Variants in GPHN observed in about 807,000 individuals in gnomAD.
GPHN encodes the protein gephyrin.
In GPHN, 17 loss-of-function variants were observed where a neutral mutation model predicts 95.5. That is an observed-to-expected ratio of 0.18 (90% CI 0.12 to 0.27). The LOEUF (loss-of-function observed/expected upper bound fraction) is 0.27, where lower values mean the gene tolerates loss of function less well. Among genes scored for constraint, GPHN ranks in the 10% least tolerant of loss-of-function variants. The probability of loss-of-function intolerance (pLI) is 1.00; values close to 1 mark genes in which losing one functional copy is unlikely to be tolerated. For missense variants in GPHN, 660 were observed against 978.1 expected (o/e 0.67, Z 4.34); for synonymous variants, 320 against 322.5 (o/e 0.99, Z 0.08).
chr14:66,538,164 G>A (rs935905286), intron 1 of GPHN, among the ~76,000 whole-genome samples: 88 of 152,132 alleles, frequency 5.8e-4, no homozygotes, highest in African/African-American at 2.1e-3. Context: ...CTTCAGATAT[G>A]TAATTCCTTT....
chr14:67,637,851 C>T, the GPHN span, among the ~76,000 whole-genome samples: 2 of 152,246 alleles, frequency 1.3e-5, no homozygotes, highest in Non-Finnish European at 2.9e-5. Context: ...AAAATCCATT[C>T]GCATTCTGTT....
chr14:67,458,181 G>A, the GPHN span, among the ~76,000 whole-genome samples: 13 of 152,266 alleles, frequency 8.5e-5, no homozygotes, highest in Admixed American at 8.5e-4. Flanking sequence ...GTACTGAATG[G>A]GGGACCCATT....
intron 8 of GPHN, among the ~76,000 whole-genome samples, chr14:66,927,295 G>A (rs1036843930): frequency 6.6e-6 from 1 of 150,458 alleles, no homozygotes; most frequent in Non-Finnish European, 1.5e-5. Flanking sequence ...GTTGCAGTGA[G>A]CTAAGATCGT....
intron 2 of GPHN, among the ~76,000 whole-genome samples, chr14:66,729,289 T>A (rs1214486933): frequency 6.6e-6 from 1 of 152,206 alleles, no homozygotes; most frequent in East Asian, 1.9e-4. Context: ...TATATATGTA[T>A]GCATATATTC....
At chr14:66,723,977 A>G (rs2070988474) in intron 2 of GPHN, among the ~76,000 whole-genome samples, 1 of 128,592 alleles carries the variant, frequency 7.8e-6, no homozygotes, top group Admixed American at 8.2e-5. Context: ...AATCTATGTC[A>G]TGCATACATA....
the GPHN span, among the ~76,000 whole-genome samples, chr14:67,672,875 C>G: frequency 2.4e-4 from 36 of 152,342 alleles, no homozygotes; most frequent in Middle Eastern, 3.4e-3. Flanking sequence ...CATGATCTGG[C>G]CCTGCTTATC....
chr14:67,623,895 C>T, the GPHN span, among the ~76,000 whole-genome samples: 5 of 152,094 alleles, frequency 3.3e-5, no homozygotes, highest in Non-Finnish European at 4.4e-5. Flanking sequence ...GGCTGGAGTG[C>T]AGTGGCATAG....
chr14:67,249,578 G>A, the GPHN span, among the ~76,000 whole-genome samples: 1 of 152,312 alleles, frequency 6.6e-6, no homozygotes, highest in East Asian at 1.9e-4. Flanking sequence ...GGTTTTTACA[G>A]TTTGTAGTAT....
At chr14:67,404,523 T>C in the GPHN span, among the ~76,000 whole-genome samples, 1 of 152,058 alleles carries the variant, frequency 6.6e-6, no homozygotes, top group East Asian at 1.9e-4. Context: ...ATATTTAAAA[T>C]TTCGAGTTGG....
At chr14:66,733,596 G>A (rs923926890) in intron 2 of GPHN, among the ~76,000 whole-genome samples, 1 of 151,908 alleles carries the variant, frequency 6.6e-6, no homozygotes, top group African/African-American at 2.4e-5. Flanking sequence ...TCCACTTTAT[G>A]TCTTTCTAAA....
the GPHN span, chr14:67,390,597 G>A: frequency 3.6e-6 from 4 of 1,126,460 alleles, no homozygotes; most frequent in Non-Finnish European, 5.4e-6. Flanking sequence ...TGCCCGCCAT[G>A]CCAGGAGAGG....
chr14:67,433,483 G>C, the GPHN span, among the ~76,000 whole-genome samples: 1 of 152,218 alleles, frequency 6.6e-6, no homozygotes, highest in Non-Finnish European at 1.5e-5. Flanking sequence ...AAAGAATACA[G>C]AGATGTACTT....
Position 66,834,335 on chromosome 14 carries a change from T to C in GPHN, c.294+9769T>C, listed in dbSNP as rs1223371018. Among the ~76,000 whole-genome samples the C allele has an allele frequency of 2.6e-5, 4 of 152,194 alleles. No individual in the cohort carries two copies. In the East Asian group the frequency reaches 7.7e-4, roughly 29 times the overall value. ...GCTCCATAGTAAAATGGTGCCAGTA[T>C]AAAAATTACAGGTACAAAATTAGAC... is the stretch of plus-strand genomic sequence containing the variant. On this transcript the variant is annotated intron_variant, in intron 4 of 22. Coordinates refer to ENST00000478722, the MANE Select transcript of GPHN (RefSeq NM_020806.5).
At chr14:67,604,987 T>C in the GPHN span, among the ~76,000 whole-genome samples, 2 of 152,236 alleles carry the variant, frequency 1.3e-5, no homozygotes, top group African/African-American at 2.4e-5. Context: ...CTTGTGCTAA[T>C]AGCAACCTGT....
chr14:67,301,817 C>T, the GPHN span, among the ~76,000 whole-genome samples: 1 of 152,014 alleles, frequency 6.6e-6, no homozygotes, highest in African/African-American at 2.4e-5. Context: ...CAGAGTATGC[C>T]CTTAGTATAC....
chr14:66,655,747 A>G (rs1051662342), intron 1 of GPHN, among the ~76,000 whole-genome samples: 1 of 151,552 alleles, frequency 6.6e-6, no homozygotes, highest in African/African-American at 2.4e-5. Flanking sequence ...AAACAATGCT[A>G]TTTTTTACCA....
intron 2 of GPHN, among the ~76,000 whole-genome samples, chr14:66,707,277 C>G (rs1316972956): frequency 6.6e-6 from 1 of 152,016 alleles, no homozygotes; most frequent in Admixed American, 6.5e-5. Flanking sequence ...GATCTAGAAC[C>G]AGAAATACCA....
intron 5 of GPHN, among the ~76,000 whole-genome samples, chr14:66,900,209 A>G (rs1041999267): frequency 4.6e-5 from 7 of 151,454 alleles, no homozygotes; most frequent in Non-Finnish European, 7.4e-5. Context: ...TGTTTCATTG[A>G]CTATCTCTGT....
intron 3 of GPHN, among the ~76,000 whole-genome samples, chr14:66,803,645 G>T (rs571708917): frequency 6.6e-6 from 1 of 152,158 alleles, no homozygotes; most frequent in South Asian, 2.1e-4. Context: ...CTATATTTTT[G>T]AGTGTGTCCC....
Sources: gnomAD v4.1 joint callset for allele counts (sites outside exome capture counted in the v4.1 genomes callset) on GRCh38, gnomAD v4.1.1 for gene constraint, MANE v1.5 for transcripts, NCBI Gene and HGNC (gene_info 2026-07-23, HGNC 2026-07-21) for gene names.